Variants in CPED1 observed in about 807,000 individuals in gnomAD.
CPED1 encodes the protein cadherin-like and PC-esterase domain-containing protein 1.
In CPED1, 114 loss-of-function variants were observed where a neutral mutation model predicts 128.2. The ratio of observed to expected loss-of-function variants is 0.89; its 90% confidence interval spans 0.76 to 1.04. The LOEUF (loss-of-function observed/expected upper bound fraction) is 1.04. CPED1 is among the 50% of genes least tolerant of loss of function. CPED1 has a pLI of 0.00. For synonymous variants in CPED1, 462 were observed against 426.7 expected, an observed-to-expected ratio of 1.08 and a Z score of -1.02; for missense variants, 1,211 against 1,207.1, an observed-to-expected ratio of 1.00 and a Z score of -0.05.
At chr7:121,241,347 CA>C (rs1030223751) in intron 17 of CPED1, among the ~76,000 whole-genome samples, 1 of 5,554 alleles carries the variant, frequency 1.8e-4, no homozygotes, top group Non-Finnish European at 5.7e-4. Flanking sequence ...GACTCCGTCT[CA>C]AAAAAAAAAA....
intron 4 of CPED1, among the ~76,000 whole-genome samples, chr7:121,057,750 T>G (rs1448528738): frequency 6.6e-6 from 1 of 152,250 alleles, no homozygotes; most frequent in Non-Finnish European, 1.5e-5. Flanking sequence ...CATATTTATT[T>G]AGCTCTACTT....
chr7:121,130,189 C>T lies in CPED1; in HGVS notation c.1472C>T (p.Pro491Leu). The change falls in exon 12 of 23, where the codon CCT (proline) becomes CTT (leucine). Residue 491 changes from proline to leucine, a missense_variant. Pro to Leu is a moderately conservative substitution (Grantham distance 98). Transcript: ENST00000310396. ...LMHEFYDVAN[P>L]VGNPGSVLTQ... ...CATGAATTTTATGATGTGGCAAATCCTGTGGGAAATCCTGGCTCAGTCCTG... is the reference window on the plus strand; with the variant it reads ...CATGAATTTTATGATGTGGCAAATCTTGTGGGAAATCCTGGCTCAGTCCTG... 1 of 1,612,934 alleles carries T rather than the reference C, an allele frequency of 6.2e-7. No homozygotes were observed. Among genetic ancestry groups the T allele is most frequent in the Non-Finnish European group, 8.5e-7 (1 of 1,179,176 alleles).
intron 5 of CPED1, among the ~76,000 whole-genome samples, chr7:121,087,517 ATAATTTCCCATTT>A (rs1221101524): frequency 1.3e-5 from 2 of 152,160 alleles, no homozygotes. Flanking sequence ...CTGTTATCCA[ATAATTTCCCATTT>A]TAACTTAAAG....
chr7:120,989,346 T>A, intron 1 of CPED1, 45 bp from the exon 2 acceptor site: 1 of 412,024 alleles, frequency 2.4e-6, no homozygotes, highest in Non-Finnish European at 4.5e-6. Context: ...ACACTCAGGT[T>A]ATTCGTTACA....
intron 18 of CPED1, among the ~76,000 whole-genome samples, chr7:121,260,223 G>GTTTTTTTTTTTTTTTT (rs59370305): frequency 2.9e-5 from 2 of 70,014 alleles, no homozygotes; most frequent in Non-Finnish European, 2.5e-5. Context: ...CTTGCTTCGC[G>GTTTTTTTTTTTTTTTT]TTTTTTTTTT....
chr7:121,075,639 T>A (rs1293330999), intron 5 of CPED1, among the ~76,000 whole-genome samples: 1 of 152,102 alleles, frequency 6.6e-6, no homozygotes, highest in Non-Finnish European at 1.5e-5. Flanking sequence ...ATTTTTGTTA[T>A]TTTTAGTAGA....
chr7:121,190,292 G>T (rs1266473009), intron 16 of CPED1, among the ~76,000 whole-genome samples: 4 of 150,600 alleles, frequency 2.7e-5, no homozygotes, highest in Admixed American at 6.7e-5. Context: ...GTGTGCACAT[G>T]CTGGTGATTT....
At chr7:121,185,460 G>A (rs1220550361) in intron 16 of CPED1, among the ~76,000 whole-genome samples, 2 of 151,996 alleles carry the variant, frequency 1.3e-5, no homozygotes, top group African/African-American at 4.8e-5. Flanking sequence ...TTAAATCACA[G>A]GAGATAGGAT....
chr7:121,285,345 T>G (rs1223143946), intron 22 of CPED1, among the ~76,000 whole-genome samples: 1 of 152,186 alleles, frequency 6.6e-6, no homozygotes, highest in South Asian at 2.1e-4. Flanking sequence ...GTCTCTGACA[T>G]GCCCTGTTGA....
Position 121,130,445 on chromosome 7 carries a change from T to A in CPED1, c.1577+151T>A. 2.4e-5 allele frequency: 15 copies of A among 612,592 alleles called. No individual in the cohort carries two copies. The South Asian group carries it at 3.4e-4, about 14-fold the overall frequency. The allele number at this position is 612,592 out of a possible 1,614,324, so 37.9% of individuals were successfully genotyped here. A position where few individuals can be genotyped will look rare whatever the true frequency, so the allele number is the denominator to read the frequency against. ...TCAGGAAAATAAATGTCTTTAAACA[T>A]TGAAACCATAATGATTCTAGTGGTC... On this transcript the variant is annotated intron_variant, in intron 12 of 22. Coordinates refer to ENST00000310396, the MANE Select transcript of CPED1 (RefSeq NM_024913.5).
intron 2 of CPED1, among the ~76,000 whole-genome samples, chr7:121,006,153 T>A (rs1020368364): frequency 3.3e-5 from 5 of 152,204 alleles, no homozygotes; most frequent in Non-Finnish European, 7.3e-5. Context: ...ATAGACTTAC[T>A]ATTTTAAGGC....
chr7:121,044,242 T>C (rs1422085756), intron 3 of CPED1, among the ~76,000 whole-genome samples: 1 of 151,876 alleles, frequency 6.6e-6, no homozygotes, highest in Non-Finnish European at 1.5e-5. Flanking sequence ...ACTTCTAATG[T>C]TGGAAATAGA....
intron 16 of CPED1, among the ~76,000 whole-genome samples, chr7:121,172,313 A>G (rs1327352417): frequency 6.6e-6 from 1 of 152,178 alleles, no homozygotes; most frequent in Non-Finnish European, 1.5e-5. Flanking sequence ...AATGCGAAGC[A>G]GATTTGAAAT....
intron 18 of CPED1, among the ~76,000 whole-genome samples, chr7:121,259,317 C>T (rs1359246430): frequency 6.6e-6 from 1 of 151,984 alleles, no homozygotes; most frequent in Non-Finnish European, 1.5e-5. Flanking sequence ...GTCTTCATTG[C>T]AGCAACATGA....
intron 7 of CPED1, among the ~76,000 whole-genome samples, chr7:121,122,437 G>T (rs188586275): frequency 6.6e-6 from 1 of 152,040 alleles, no homozygotes; most frequent in African/African-American, 2.4e-5. Flanking sequence ...CACCATGCCC[G>T]GCTGTCTTGT....
rs913485959 is a variant in CPED1 at position 121,130,149 on chromosome 7, A to G, written c.1432A>G (p.Ile478Val). 1.9e-6 allele frequency: 3 copies of G among 1,612,840 alleles called. No individual in the cohort carries two copies. The highest frequency in any genetic ancestry group is 3.3e-5 in the Admixed American group (2 of 59,932). The change falls in exon 12 of 23, where the codon ATT becomes GTT. Residue 478 changes from isoleucine (I) to valine (V), a missense_variant. By Grantham distance (29) the Ile-to-Val change is conservative (BLOSUM62 3). Transcript: ENST00000310396. Reference sequence around the variant, plus strand: ...GCTCTTCCCATCTACTACTCCTGGGATTCAGTCACTGATGCATGAATTTTA... The same window carrying G: ...GCTCTTCCCATCTACTACTCCTGGGGTTCAGTCACTGATGCATGAATTTTA... ...QLLFPSTTPG[I>V]QSLMHEFYDV...
intron 16 of CPED1, among the ~76,000 whole-genome samples, chr7:121,193,995 G>GCTCTCTCT (rs373934011): frequency 8.9e-4 from 78 of 87,368 alleles, no homozygotes; most frequent in South Asian, 2.6e-3. Context: ...GGATGAGCAA[G>GCTCTCTCT]CTCTCTCTCT....
chr7:121,038,930 A>C (rs1295050520), intron 3 of CPED1, among the ~76,000 whole-genome samples: 1 of 152,090 alleles, frequency 6.6e-6, no homozygotes, highest in African/African-American at 2.4e-5. Flanking sequence ...TACTACCCAC[A>C]TGACTTAGCT....
At chr7:121,102,308 T>C (rs948806924) in intron 7 of CPED1, among the ~76,000 whole-genome samples, 1 of 152,190 alleles carries the variant, frequency 6.6e-6, no homozygotes, top group Non-Finnish European at 1.5e-5. Context: ...TTGTGCATTC[T>C]CTATTTTGTC....
Sources: gnomAD v4.1 joint callset for allele counts (sites outside exome capture counted in the v4.1 genomes callset) on GRCh38, gnomAD v4.1.1 for gene constraint, MANE v1.5 for transcripts, NCBI Gene and HGNC (gene_info 2026-07-23, HGNC 2026-07-21) for gene names.